The following F8 variants were observed in gnomAD, a reference collection of about 807,000 sequenced individuals.
F8 encodes the protein coagulation factor VIII.
In F8, 12 loss-of-function variants were observed where a neutral mutation model predicts 140.6. That is an observed-to-expected ratio of 0.09 (90% CI 0.05 to 0.14). The LOEUF (loss-of-function observed/expected upper bound fraction) is 0.14. Among genes scored for constraint, F8 ranks in the 10% least tolerant of loss-of-function variants. The pLI, the probability that F8 is intolerant of heterozygous loss-of-function variation, is 1.00. For synonymous variants in F8, 585 were observed against 614.6 expected, an observed-to-expected ratio of 0.95 and a Z score of 0.71; for missense variants, 1,354 against 1,720.7, an observed-to-expected ratio of 0.79 and a Z score of 3.77.
rs111678677 is a variant in F8 at position 154,910,192 on chromosome X, A to T, written c.5220-3619T>A. Among the ~76,000 whole-genome samples, 950 of 111,582 alleles carry T rather than the reference A, an allele frequency of 8.5e-3. 13 individuals carry two copies. The highest frequency in any genetic ancestry group is 0.029 in the African/African-American group (903 of 30,657). Reference sequence around the variant, plus strand: ...AGGGCTATGCAGGATGTGCTTTGTTAAAAAAGTGCTTGAAGGCAGTATGCT... The same window carrying T: ...AGGGCTATGCAGGATGTGCTTTGTTTAAAAAGTGCTTGAAGGCAGTATGCT... On this transcript the variant is annotated intron_variant, in intron 14 of 25. Coordinates refer to ENST00000360256, the MANE Select transcript of F8 (RefSeq NM_000132.4).
chrX:155,003,440 A>C (rs1234567972), intron 1 of F8, among the ~76,000 whole-genome samples: 3 of 110,424 alleles, frequency 2.7e-5, no homozygotes, highest in Admixed American at 9.6e-5. Context: ...AAAAAAAAAA[A>C]CACCAACAAC....
At chrX:154,944,590 A>G (rs1398010143) in intron 13 of F8, among the ~76,000 whole-genome samples, 2 of 111,034 alleles carry the variant, frequency 1.8e-5, no homozygotes, top group Non-Finnish European at 3.8e-5. Context: ...AACTAGTTCA[A>G]CCATTGTGGA....
intron 25 of F8, among the ~76,000 whole-genome samples, chrX:154,854,288 A>G (rs1423211974): frequency 3.6e-5 from 4 of 112,319 alleles, no homozygotes; most frequent in Non-Finnish European, 1.9e-5. Flanking sequence ...GACTAAGTAA[A>G]GCAGATTGTT....
chrX:154,910,128 A>T (rs1356260001), intron 14 of F8, among the ~76,000 whole-genome samples: 1 of 111,658 alleles, frequency 9.0e-6, no homozygotes, highest in Non-Finnish European at 1.9e-5. Context: ...CTGTGCTCGC[A>T]GAGACATGTG....
In F8 at chrX:154,966,607, C is replaced by T. The variant is rs368281375; in HGVS notation, c.1090G>A (p.Asp364Asn). The T allele has an allele frequency of 1.2e-5, 14 of 1,209,092 alleles. No individual in the cohort carries two copies. The Admixed American group carries it at 1.8e-4, about 15-fold the overall frequency. ...LRMKNNEEAE[D>N]YDDDLTDSEM... The stretch of plus-strand genomic sequence containing the variant: ...GAATCAGTAAGATCATCATCATAGT[C>T]TTCCGCTTCTTCATTATTTTTCATT... The change falls in exon 8 of 26, where the codon GAC becomes AAC. Residue 364 changes from aspartate to asparagine, a missense_variant. Around this residue, in one of 4 missense-constraint regions of F8, gnomAD observed 252 missense variants for 338.5 expected, o/e 0.74. Coordinates refer to ENST00000360256, the MANE Select transcript of F8 (RefSeq NM_000132.4).
At chrX:154,953,276 T>G (rs782772889) in intron 12 of F8, among the ~76,000 whole-genome samples, 3 of 112,160 alleles carry the variant, frequency 2.7e-5, no homozygotes, top group African/African-American at 9.7e-5. Context: ...AAATAGGTAG[T>G]TAGTTAAAAT....
intron 4 of F8, among the ~76,000 whole-genome samples, chrX:154,990,646 T>C (rs1557284575): frequency 8.9e-6 from 1 of 111,999 alleles, no homozygotes; most frequent in African/African-American, 3.2e-5. Context: ...AGTTTCATAG[T>C]CATAATTAAT....
intron 25 of F8, among the ~76,000 whole-genome samples, chrX:154,841,208 C>CTTTTTTT (rs1168917544): frequency 5.3e-3 from 254 of 48,284 alleles, no homozygotes; most frequent in Non-Finnish European, 6.7e-3. Flanking sequence ...TTGCTTTCTT[C>CTTTTTTT]TTTTTTTTTT....
At chrX:154,963,978 C>G (rs2073410353) in intron 9 of F8, among the ~76,000 whole-genome samples, 1 of 110,930 alleles carries the variant, frequency 9.0e-6, no homozygotes, top group African/African-American at 3.3e-5. Context: ...GTAGCTGGGA[C>G]TACAGGCATG....
Position 154,906,500 on chromosome X carries a change from G to T in F8, c.5293C>A (p.Pro1765Thr), listed in dbSNP as rs141315820. 84 of 1,207,566 alleles carry T rather than the reference G, an allele frequency of 7.0e-5. No homozygotes were observed. In the African/African-American group the frequency reaches 1.3e-3, roughly 18 times the overall value. The part of the protein sequence containing the change: ...QEFTDGSFTQ[P>T]LYRGELNEHL... ...TCATTTAGTTCTCCACGGTATAAGG[G>T]CTGAGTAAAGGAGCCATCAGTAAAT... The change falls in exon 15 of 26, where the codon CCC becomes ACC. Residue 1765 changes from proline (P) to threonine (T), a missense_variant. Coordinates refer to ENST00000360256, the MANE Select transcript of F8 (RefSeq NM_000132.4).
rs2072681587 is a variant in F8, at chrX:154,860,440, T to A, written c.6892A>T (p.Lys2298Ter). ...HQWTLFFQNGKVKVFQGNQDS... is the reference protein window; with the variant it reads ...HQWTLFFQNG ...CAAGGAGACCAGCTTACCTTTACTT[T>A]GCCATTCTGAAAAAAGAGAGTCCAC... The change falls in exon 25 of 26, where the codon AAA (lysine) becomes TAA (stop). Residue 2298 changes from lysine (K) to a stop codon, truncating the protein, a stop_gained. Coordinates refer to ENST00000360256, the MANE Select transcript of F8 (RefSeq NM_000132.4). LOFTEE classifies it high-confidence loss of function. 1 of 1,209,148 alleles carries A rather than the reference T, an allele frequency of 8.3e-7. No homozygotes were observed. Among genetic ancestry groups the A allele is most frequent in the Admixed American group, 2.2e-5 (1 of 45,675 alleles).
chrX:154,974,565 T>G (rs1399116219), intron 6 of F8, among the ~76,000 whole-genome samples: 1 of 111,736 alleles, frequency 8.9e-6, no homozygotes, highest in African/African-American at 3.3e-5. Flanking sequence ...TATTGTGCTT[T>G]TGTCTGGTTT....
intron 22 of F8, among the ~76,000 whole-genome samples, chrX:154,866,898 A>C (rs1361267990): frequency 8.9e-6 from 1 of 111,781 alleles, no homozygotes; most frequent in Non-Finnish European, 1.9e-5. Context: ...ATTGGAAATA[A>C]CTGACAAAAC....
intron 13 of F8, among the ~76,000 whole-genome samples, chrX:154,943,342 A>G (rs1557280016): frequency 3.6e-5 from 4 of 112,076 alleles, no homozygotes; most frequent in South Asian, 7.4e-4. Flanking sequence ...AAATCAATGT[A>G]CAAAAATCAC....
intron 22 of F8, among the ~76,000 whole-genome samples, chrX:154,869,610 A>G (rs1391872626): frequency 8.9e-6 from 1 of 111,738 alleles, no homozygotes; most frequent in African/African-American, 3.3e-5. Context: ...TTGAAAATTG[A>G]CACCCTAACA....
rs972363172 is a variant in F8 at position 154,931,501 on chromosome X, C to A, written c.2289G>T (p.Gln763His). Residue 763 changes from glutamine to histidine, a missense_variant, in exon 14 of 26, where the codon CAG (glutamine) becomes CAT (histidine). Gln to His is a conservative substitution (Grantham distance 24). Around this residue, in one of 4 missense-constraint regions of F8, gnomAD observed 658 missense variants for 666.5 expected, o/e 0.99. Coordinates refer to ENST00000360256, the MANE Select transcript of F8 (RefSeq NM_000132.4). The part of the protein sequence containing the change: ...NNAIEPRSFS[Q>H]NSRHPSTRQK... ...GCCTAGTGCTAGGGTGTCTTGAATT[C>A]TGGGAGAAGCTTCTTGGTTCAATGG... The A allele has an allele frequency of 1.7e-6, 2 of 1,211,661 alleles. No individual in the cohort carries two copies. The highest frequency in any genetic ancestry group is 2.2e-6 in the Non-Finnish European group (2 of 895,396).
Position 154,929,939 on chromosome X carries a change from G to A in F8, c.3851C>T (p.Thr1284Ile), listed in dbSNP as rs1204534013. 9.9e-6 allele frequency: 12 copies of A among 1,209,358 alleles called. No individual in the cohort carries two copies. Among genetic ancestry groups the A allele is most frequent in the Non-Finnish European group, 1.3e-5 (12 of 895,039 alleles). Residue 1284 changes from threonine (T) to isoleucine (I), a missense_variant, in exon 14 of 26, where the codon ACA becomes ATA. By Grantham distance (89) the Thr-to-Ile change is moderately conservative. Coordinates refer to ENST00000360256, the MANE Select transcript of F8 (RefSeq NM_000132.4). ...NDSTNRTKKHTAHFSKKGEEE... is the reference protein window; with the variant it reads ...NDSTNRTKKHIAHFSKKGEEE... ...CTCCCCTTTTTTTGAGAAATGAGCT[G>A]TGTGTTTCTTTGTTCTATTTGTTGA... is the stretch of plus-strand genomic sequence containing the variant.
chrX:155,017,391 A>G (rs2073739100), intron 1 of F8, among the ~76,000 whole-genome samples: 1 of 112,633 alleles, frequency 8.9e-6, no homozygotes, highest in Admixed American at 9.4e-5. Context: ...AAGCTGATAC[A>G]TTTGATGTAG....
chrX:154,999,003 C>A (rs1466956277), intron 2 of F8, among the ~76,000 whole-genome samples: 2 of 110,947 alleles, frequency 1.8e-5, no homozygotes, highest in Non-Finnish European at 3.8e-5. Flanking sequence ...CATAAAACAC[C>A]GAAGAGGCTC....
Sources: gnomAD v4.1 joint callset for allele counts (sites outside exome capture counted in the v4.1 genomes callset) on GRCh38, gnomAD v4.1.1 for gene constraint, gnomAD v4.1.1 regional missense constraint, MANE v1.5 for transcripts, NCBI Gene and HGNC (gene_info 2026-07-23, HGNC 2026-07-21) for gene names.